The following CEP95 variants were observed in gnomAD, a reference collection of about 807,000 sequenced individuals.
CEP95 encodes the protein centrosomal protein of 95 kDa.
CEP95 carries 98 observed loss-of-function variants against 111.2 expected under a neutral mutation model. That is an observed-to-expected ratio of 0.88 (90% confidence interval 0.75 to 1.04). CEP95 has a LOEUF of 1.04. Ranked by LOEUF, CEP95 falls within the 50% of genes least tolerant of loss-of-function variation. CEP95 has a pLI of 0.00. For missense variants in CEP95, 1,027 were observed against 977.2 expected (o/e 1.05, Z -0.68); for synonymous variants, 323 against 327.1 (o/e 0.99, Z 0.14).
At chr17:64,525,669 C>G in intron 8 of CEP95, 101 bp from the exon 9 acceptor site, 1 of 687,068 alleles carries the variant, frequency 1.5e-6, no homozygotes, top group Non-Finnish European at 2.4e-6. Flanking sequence ...AGATTGAAGG[C>G]ACGTAGCTTT....
chr17:64,507,918 C>T (rs782313556), intron 1 of CEP95: 11 of 985,250 alleles, frequency 1.1e-5, no homozygotes, highest in Non-Finnish European at 1.3e-5. Flanking sequence ...TTTGCAAATC[C>T]CAGCAATATC....
chr17:64,527,369 T>G lies in CEP95; in HGVS notation c.1306+105T>G. On this transcript the variant is annotated intron_variant, in intron 11 of 19. Coordinates refer to ENST00000556440, the MANE Select transcript of CEP95 (RefSeq NM_138363.3). ...ATTCTAATTTTAAATAGTTGAGAAA[T>G]ATATAAAAGGATCAAAAGTAATATC... The G allele has an allele frequency of 3.5e-6, 3 of 854,980 alleles. No homozygotes were observed. In the South Asian group the frequency reaches 1.1e-4, roughly 30 times the overall value. The allele number at this position is 854,980 out of a possible 1,614,324, so 53.0% of individuals were successfully genotyped here.
upstream of CEP95, chr17:64,506,852 C>T (rs1286596776): frequency 8.2e-6 from 5 of 609,256 alleles, no homozygotes; most frequent in Non-Finnish European, 1.5e-5. Flanking sequence ...GGGTTTTGGT[C>T]GGCGGAGAAT....
At chr17:64,510,355 C>T in intron 3 of CEP95, 75 bp downstream of exon 3, 1 of 951,186 alleles carries the variant, frequency 1.1e-6, no homozygotes, top group Admixed American at 2.0e-5. Flanking sequence ...ACATTGTTTA[C>T]TTAACCAAAT....
rs1555680592 is a variant in CEP95, at chr17:64,532,851, A to G, written c.1685A>G (p.Glu562Gly). The part of the protein sequence containing the change: ...PNKAVPMKVS[E>G]HSLLPLMLEQ... The stretch of plus-strand genomic sequence containing the variant: ...TTTTACCTTGCAGTGAAAGTAAGTG[A>G]ACACAGTCTCCTGCCCCTTATGCTG... The change falls in exon 15 of 20, where the codon GAA becomes GGA. Residue 562 changes from glutamate to glycine, a missense_variant. Coordinates refer to ENST00000556440, the MANE Select transcript of CEP95 (RefSeq NM_138363.3). The G allele has an allele frequency of 6.2e-7, 1 of 1,607,764 alleles. No individual in the cohort carries two copies. The highest frequency in any genetic ancestry group is 8.5e-7 in the Non-Finnish European group (1 of 1,178,310).
At chr17:64,507,408 T>C in intron 1 of CEP95, 1 of 1,371,016 alleles carries the variant, frequency 7.3e-7, no homozygotes, top group Non-Finnish European at 9.4e-7. Context: ...CCCGGACTTG[T>C]CTTTCTGTGG....
chr17:64,511,590 A>G lies in CEP95; in HGVS notation c.256+1310A>G, dbSNP rs553649886. Among the ~76,000 whole-genome samples, 9 of 152,322 alleles carry G rather than the reference A, an allele frequency of 5.9e-5. No individual in the cohort carries two copies. In the South Asian group the frequency reaches 8.3e-4, roughly 14 times the overall value. Reference sequence around the variant, plus strand: ...CTTTTTTTCAAGGTGCCCAGATTTCATATTGTTCAAACACACATGCTCTAC... The same window carrying G: ...CTTTTTTTCAAGGTGCCCAGATTTCGTATTGTTCAAACACACATGCTCTAC... On this transcript the variant is annotated intron_variant, in intron 3 of 19. Coordinates refer to ENST00000556440, the MANE Select transcript of CEP95 (RefSeq NM_138363.3).
intron 8 of CEP95, among the ~76,000 whole-genome samples, chr17:64,524,224 A>G (rs1350912907): frequency 2.0e-5 from 3 of 152,166 alleles, no homozygotes; most frequent in African/African-American, 7.2e-5. Flanking sequence ...TTTATTTTCA[A>G]ATAATTCATT....
At chr17:64,525,903 A>G (rs782585636) in intron 9 of CEP95, 21 bp downstream of exon 9, 6 of 1,514,548 alleles carry the variant, frequency 4.0e-6, no homozygotes, top group Non-Finnish European at 5.3e-6. Flanking sequence ...TGCAGACTTC[A>G]GTGTTTACAG....
At chr17:64,536,803 T>G (rs1053791427) in intron 18 of CEP95, 55 bp downstream of exon 18, 1 of 1,549,142 alleles carries the variant, frequency 6.5e-7, no homozygotes, top group African/African-American at 1.4e-5. Flanking sequence ...CACTTGCCCT[T>G]GTGGCAAAAC....
At chr17:64,516,917 C>A in intron 5 of CEP95, 89 bp downstream of exon 5, 1 of 680,508 alleles carries the variant, frequency 1.5e-6, no homozygotes, top group Non-Finnish European at 2.4e-6. Flanking sequence ...CAAGATGGCA[C>A]CAAAAAAAGC....
At chr17:64,508,153 TAA>T (rs542367998) in intron 1 of CEP95, 2 of 985,338 alleles carry the variant, frequency 2.0e-6, no homozygotes, top group South Asian at 9.4e-5. Flanking sequence ...GATAATTGGG[TAA>T]ACACAAGACC....
chr17:64,532,505 T>C (rs1001881724), intron 14 of CEP95: 9 of 985,412 alleles, frequency 9.1e-6, no homozygotes, highest in South Asian at 4.7e-5. Flanking sequence ...CCAGAAACTT[T>C]TTCTTCTAAG....
At chr17:64,508,178 A>G in intron 1 of CEP95, 3 of 985,454 alleles carry the variant, frequency 3.0e-6, no homozygotes, top group Non-Finnish European at 3.6e-6. Flanking sequence ...TACTATTGCA[A>G]GTGCGAAGCA....
chr17:64,521,288 G>A (rs189655987), intron 6 of CEP95, 114 bp from the exon 7 acceptor site: 11 of 708,078 alleles, frequency 1.6e-5, no homozygotes, highest in Admixed American at 1.5e-4. Flanking sequence ...ACATTATTTC[G>A]TTCAACATTA....
At chr17:64,533,063 A>C in intron 15 of CEP95, 54 bp from the exon 16 acceptor site, 1 of 1,605,176 alleles carries the variant, frequency 6.2e-7, no homozygotes, top group Non-Finnish European at 8.5e-7. Flanking sequence ...GCTTATCCTT[A>C]AGAATTTAGT....
chr17:64,507,199 C>T lies in CEP95; in HGVS notation c.19+83C>T, dbSNP rs1282884292. ...GGCCTCGGGCTAGCCCGGACTGGGT[C>T]TGGGCTGTCGGCGGGGCTCGTGACC... is the stretch of plus-strand genomic sequence containing the variant. On this transcript the variant is annotated intron_variant, in intron 1 of 19. Coordinates refer to ENST00000556440, the MANE Select transcript of CEP95 (RefSeq NM_138363.3). 1.1e-5 allele frequency: 17 copies of T among 1,539,560 alleles called. No homozygotes were observed. In the East Asian group the frequency reaches 4.2e-4, roughly 38 times the overall value.
rs1357668845 is a variant in CEP95 at position 64,533,172 on chromosome 17, A to G, written c.1898A>G (p.Tyr633Cys). 2 of 1,588,512 alleles carry G rather than the reference A, an allele frequency of 1.3e-6. No homozygotes were observed. The highest frequency in any genetic ancestry group is 1.4e-5 in the African/African-American group (1 of 72,910). The change falls in exon 16 of 20, where the codon TAT (tyrosine) becomes TGT (cysteine). Residue 633 changes from tyrosine (Y) to cysteine (C), a missense_variant. Coordinates refer to ENST00000556440, the MANE Select transcript of CEP95 (RefSeq NM_138363.3). ...DLLTTLVKKEYEHNKRLQDFK... is the reference protein window; with the variant it reads ...DLLTTLVKKECEHNKRLQDFK... Reference sequence around the variant, plus strand: ...CTTACTACCCTTGTCAAGAAAGAATATGAACATAACAAGAGACTGGTATGT... The same window carrying G: ...CTTACTACCCTTGTCAAGAAAGAATGTGAACATAACAAGAGACTGGTATGT...
At chr17:64,537,473 T>G in intron 19 of CEP95, 130 bp from the exon 20 acceptor site, 1 of 1,413,254 alleles carries the variant, frequency 7.1e-7, no homozygotes, top group Non-Finnish European at 9.2e-7. Context: ...TAGGTCTCTG[T>G]AAGAGCTGCT....
Sources: gnomAD v4.1 joint callset for allele counts (sites outside exome capture counted in the v4.1 genomes callset) on GRCh38, gnomAD v4.1.1 for gene constraint, MANE v1.5 for transcripts, NCBI Gene and HGNC (gene_info 2026-07-23, HGNC 2026-07-21) for gene names.